Variants in MXRA7 observed in about 807,000 individuals in gnomAD.
MXRA7 encodes matrix-remodeling-associated protein 7.
A neutral mutation model predicts 17.4 loss-of-function variants in MXRA7; 18 were observed. The ratio of observed to expected loss-of-function variants is 1.03; its 90% CI spans 0.71 to 1.53. The LOEUF is 1.53. Among genes scored for constraint, MXRA7 ranks in the 40% most tolerant of loss-of-function variants. The pLI is 0.00. For synonymous variants in MXRA7, 70 were observed against 101.7 expected (o/e 0.69, Z 1.87); for missense variants, 141 against 209.3 (o/e 0.67, Z 2.01).
At position 76,688,179 on chromosome 17, in the gene MXRA7, G is replaced by A. The variant is rs1159907193; in HGVS notation, c.343-3C>T. 1 of 1,614,136 alleles carries A rather than the reference G, an allele frequency of 6.2e-7. No homozygotes were observed. The highest frequency in any genetic ancestry group is 8.5e-7 in the Non-Finnish European group (1 of 1,180,004). ...CCATCCAAGTCCTGCTCCTCTTCCT[G>A]CAAGACAAGGACAGGGTCAGTGCCC... is the stretch of plus-strand genomic sequence containing the variant. On this transcript the variant is annotated splice_region_variant and splice_polypyrimidine_tract_variant and intron_variant, in intron 1 of 3. Transcript: ENST00000449428.
chr17:76,694,436 G>GT (rs1319956705), intron 1 of MXRA7, among the ~76,000 whole-genome samples: 3 of 152,132 alleles, frequency 2.0e-5, no homozygotes, highest in Non-Finnish European at 2.9e-5. Context: ...GCCATGGAAT[G>GT]TTTTTTTGAG....
chr17:76,673,334 A>C (rs569548446), exon 4 of MXRA7: 1 of 152,246 alleles, frequency 6.6e-6, no homozygotes, highest in Non-Finnish European at 1.5e-5. Context: ...TGAGAAGTAG[A>C]GACTAGACGT....
intron 1 of MXRA7, among the ~76,000 whole-genome samples, chr17:76,700,967 A>G (rs563782069): frequency 7.9e-5 from 12 of 151,982 alleles, no homozygotes; most frequent in Non-Finnish European, 1.3e-4. Context: ...TGGCAGGTCT[A>G]AGCACCAGAA....
chr17:76,674,369 C>A (rs900938798), exon 4 of MXRA7: 1 of 152,184 alleles, frequency 6.6e-6, no homozygotes, highest in Admixed American at 6.5e-5. Flanking sequence ...TGAGAACAAT[C>A]TCAGATGAGG....
chr17:76,696,926 G>A (rs2076538274), intron 1 of MXRA7, among the ~76,000 whole-genome samples: 1 of 152,160 alleles, frequency 6.6e-6, no homozygotes, highest in South Asian at 2.1e-4. Flanking sequence ...GGTCTCAAAG[G>A]AAACGGAACA....
chr17:76,682,455 G>A (rs2076318771), intron 3 of MXRA7, among the ~76,000 whole-genome samples: 1 of 152,074 alleles, frequency 6.6e-6, no homozygotes, highest in Non-Finnish European at 1.5e-5. Context: ...TCATACTGAT[G>A]ATTCTAGGGC....
chr17:76,682,937 A>C (rs1183309837), intron 3 of MXRA7, among the ~76,000 whole-genome samples: 1 of 152,180 alleles, frequency 6.6e-6, no homozygotes, highest in Non-Finnish European at 1.5e-5. Flanking sequence ...AGACCTCCAA[A>C]GATCCAGTGG....
At chr17:76,680,933 C>T (rs2076294510) in intron 3 of MXRA7, 54 bp from the exon 4 acceptor site, 1 of 1,426,190 alleles carries the variant, frequency 7.0e-7, no homozygotes, top group Non-Finnish European at 9.8e-7. Flanking sequence ...TTCCATCCTG[C>T]ACCATGGGCA....
chr17:76,694,690 A>G (rs1042028053), intron 1 of MXRA7, among the ~76,000 whole-genome samples: 2 of 152,056 alleles, frequency 1.3e-5, no homozygotes, highest in Admixed American at 6.6e-5. Context: ...GGCTCCGTCA[A>G]TCCTCCTACC....
Position 76,679,734 on chromosome 17 carries a change from T to A in MXRA7, c.*1133A>T. On this transcript the variant is annotated 3_prime_UTR_variant, in exon 4 of 4. Coordinates refer to ENST00000449428, the MANE Select transcript of MXRA7 (RefSeq NM_198530.4). ...GGAGTCAACGACCTATTGTGTCAAT[T>A]AGATCCCAGCCTGGACAAGGGCATG... The A allele has an allele frequency of 1.9e-6, 1 of 527,662 alleles. No individual in the cohort carries two copies. The highest frequency in any genetic ancestry group is 2.4e-6 in the Non-Finnish European group (1 of 411,790). 32.7% of individuals were successfully genotyped at this position (527,662 alleles called of 1,614,324 possible).
intron 1 of MXRA7, among the ~76,000 whole-genome samples, chr17:76,707,756 A>T (rs2076678246): frequency 6.6e-6 from 1 of 152,148 alleles, no homozygotes; most frequent in South Asian, 2.1e-4. Flanking sequence ...CCTTGCTCCA[A>T]TCCACAAGTC....
chr17:76,693,820 G>C (rs1424705050), intron 1 of MXRA7, among the ~76,000 whole-genome samples: 1 of 152,200 alleles, frequency 6.6e-6, no homozygotes, highest in African/African-American at 2.4e-5. Context: ...CAGCCTAGGT[G>C]AAAGAGTGAA....
intron 1 of MXRA7, chr17:76,689,445 A>C (rs974375954): frequency 1.3e-5 from 2 of 152,362 alleles, no homozygotes; most frequent in Non-Finnish European, 2.9e-5. Flanking sequence ...CTGCGCAGGC[A>C]ACACAGCGTC....
At chr17:76,696,582 A>T (rs549798968) in intron 1 of MXRA7, among the ~76,000 whole-genome samples, 27 of 152,100 alleles carry the variant, frequency 1.8e-4, no homozygotes, top group Admixed American at 8.5e-4. Flanking sequence ...AACGAAAAAA[A>T]TAAACACGGA....
chr17:76,705,280 A>C (rs924788761), intron 1 of MXRA7, among the ~76,000 whole-genome samples: 1 of 152,218 alleles, frequency 6.6e-6, no homozygotes, highest in African/African-American at 2.4e-5. Flanking sequence ...TTAGGCACTC[A>C]AACAACTTTA....
intron 1 of MXRA7, among the ~76,000 whole-genome samples, chr17:76,700,324 C>T (rs375750989): frequency 5.9e-5 from 9 of 152,090 alleles, no homozygotes; most frequent in East Asian, 3.9e-4. Context: ...GTGTGGCTTC[C>T]GCCTAAGGAA....
chr17:76,677,497 T>A (rs1485942435), downstream of MXRA7: 19 of 831,950 alleles, frequency 2.3e-5, no homozygotes, highest in Admixed American at 1.9e-5. Context: ...TAAGGGAAAA[T>A]TAGGCCTACA....
chr17:76,702,309 C>G (rs549364858), intron 1 of MXRA7, among the ~76,000 whole-genome samples: 1 of 152,168 alleles, frequency 6.6e-6, no homozygotes, highest in African/African-American at 2.4e-5. Context: ...GAGTTCGAGA[C>G]CAGGCCTAGG....
chr17:76,700,442 GC>G (rs11323845), intron 1 of MXRA7, among the ~76,000 whole-genome samples: 60,204 of 151,966 alleles, frequency 0.4, 12,789 homozygotes, highest in Middle Eastern at 0.51. Flanking sequence ...CCTCTCTGGG[GC>G]ATAACATAAC....
Sources: allele counts gnomAD v4.1 joint callset (sites outside exome capture counted in the v4.1 genomes callset), GRCh38; gene constraint gnomAD v4.1.1; transcripts MANE v1.5; gene names NCBI Gene and HGNC (gene_info 2026-07-23, HGNC 2026-07-21).